CAMKMT: variants seen among roughly 807,000 people sequenced by gnomAD.
The protein encoded by CAMKMT is calmodulin-lysine N-methyltransferase, also known as CaM KMT.
CAMKMT carries 53 observed loss-of-function variants against 48.0 expected under a neutral mutation model. The observed-to-expected ratio is 1.10, with a 90% CI of 0.89 to 1.39. The LOEUF is 1.39. CAMKMT is among the 40% of genes most tolerant of loss of function. CAMKMT has a pLI of 0.00. For synonymous variants in CAMKMT, 165 were observed against 152.3 expected (o/e 1.08, Z -0.61); for missense variants, 428 against 402.7 (o/e 1.06, Z -0.54).
At chr2:44,512,458 C>G (rs1443944849) in intron 3 of CAMKMT, among the ~76,000 whole-genome samples, 2 of 152,198 alleles carry the variant, frequency 1.3e-5, no homozygotes, top group Non-Finnish European at 2.9e-5. Flanking sequence ...ACACATGGCA[C>G]AAAATTGTAC....
intron 3 of CAMKMT, among the ~76,000 whole-genome samples, chr2:44,435,029 G>C (rs900438191): frequency 6.6e-6 from 1 of 152,034 alleles, no homozygotes; most frequent in African/African-American, 2.4e-5. Flanking sequence ...GCATCGTTAG[G>C]TTCTTTTGAA....
At chr2:44,665,024 T>C (rs1185966738) in intron 3 of CAMKMT, among the ~76,000 whole-genome samples, 1 of 152,128 alleles carries the variant, frequency 6.6e-6, no homozygotes, top group African/African-American at 2.4e-5. Flanking sequence ...GACTTAAACA[T>C]TGTCAATTTT....
In CAMKMT at chr2:44,666,978, A is replaced by G. The variant is rs146436486; in HGVS notation, c.377-37305A>G. On this transcript the variant is annotated intron_variant, in intron 3 of 10. Transcript: ENST00000378494. Reference sequence around the variant, plus strand: ...ATTTGCCTACCCCCAAACCTTCTGCACTTATAAACCTTAAATCTTTGTACA... The same window carrying G: ...ATTTGCCTACCCCCAAACCTTCTGCGCTTATAAACCTTAAATCTTTGTACA... Among the ~76,000 whole-genome samples the G allele has an allele frequency of 4.6e-5, 7 of 152,320 alleles. No homozygotes were observed. The East Asian group carries it at 1.4e-3, about 29-fold the overall frequency.
intron 3 of CAMKMT, among the ~76,000 whole-genome samples, chr2:44,542,196 C>G (rs1667150810): frequency 6.6e-6 from 1 of 151,940 alleles, no homozygotes; most frequent in Non-Finnish European, 1.5e-5. Flanking sequence ...TAAGTCTTCC[C>G]CTGTGAACAT....
At chr2:44,459,192 T>C (rs147084570) in intron 3 of CAMKMT, among the ~76,000 whole-genome samples, 4 of 152,308 alleles carry the variant, frequency 2.6e-5, no homozygotes, top group African/African-American at 9.6e-5. Context: ...GAACATAGTT[T>C]TGAAGACCAG....
chr2:44,462,483 C>G (rs1217864205), intron 3 of CAMKMT, among the ~76,000 whole-genome samples: 1 of 151,872 alleles, frequency 6.6e-6, no homozygotes, highest in African/African-American at 2.4e-5. Context: ...ATGACCTACT[C>G]TGTTGTTTGG....
At position 44,518,790 on chromosome 2, in the gene CAMKMT, T is replaced by C. The variant is rs142238333; in HGVS notation, c.376+128485T>C. On this transcript the variant is annotated intron_variant, in intron 3 of 10. Coordinates refer to ENST00000378494, the MANE Select transcript of CAMKMT (RefSeq NM_024766.5). ...GCTTAGCTAGGTAGACGTACCCAGATGAAATCAAGTGAGTGCATATTCATG... is the reference window on the plus strand; with the variant it reads ...GCTTAGCTAGGTAGACGTACCCAGACGAAATCAAGTGAGTGCATATTCATG... Among the ~76,000 whole-genome samples, 164 of 152,304 alleles carry C rather than the reference T, an allele frequency of 1.1e-3. 1 individual carries two copies. The highest frequency in any genetic ancestry group is 3.8e-3 in the African/African-American group (157 of 41,570).
chr2:44,676,077 A>G (rs1029821002), intron 3 of CAMKMT, among the ~76,000 whole-genome samples: 3 of 152,144 alleles, frequency 2.0e-5, no homozygotes, highest in African/African-American at 7.2e-5. Context: ...CCCAACTTTC[A>G]ATCATCCGCA....
intron 3 of CAMKMT, among the ~76,000 whole-genome samples, chr2:44,515,650 G>A (rs377487975): frequency 2.6e-5 from 4 of 152,152 alleles, no homozygotes; most frequent in African/African-American, 9.7e-5. Flanking sequence ...TTGGGAAGAA[G>A]GATTATCATT....
intron 3 of CAMKMT, among the ~76,000 whole-genome samples, chr2:44,697,849 G>A (rs1006311397): frequency 1.3e-5 from 2 of 151,988 alleles, no homozygotes; most frequent in Non-Finnish European, 2.9e-5. Context: ...AAATCAAGAA[G>A]CAACAATACA....
At chr2:44,384,002 T>C (rs1439235125) in intron 2 of CAMKMT, among the ~76,000 whole-genome samples, 2 of 152,204 alleles carry the variant, frequency 1.3e-5, no homozygotes, top group Non-Finnish European at 2.9e-5. Flanking sequence ...GTAGTGGGAT[T>C]GCTGGACCAA....
At chr2:44,457,542 G>A (rs1474855002) in intron 3 of CAMKMT, among the ~76,000 whole-genome samples, 3 of 151,762 alleles carry the variant, frequency 2.0e-5, no homozygotes, top group Non-Finnish European at 4.4e-5. Context: ...GGGACTACAG[G>A]TGCGTGTCAC....
intron 3 of CAMKMT, among the ~76,000 whole-genome samples, chr2:44,655,056 T>G (rs2104055390): frequency 6.6e-6 from 1 of 152,302 alleles, no homozygotes; most frequent in Non-Finnish European, 1.5e-5. Flanking sequence ...AGTGATATTC[T>G]TAGAATGCAT....
intron 3 of CAMKMT, among the ~76,000 whole-genome samples, chr2:44,427,912 A>C (rs1215860348): frequency 6.6e-6 from 1 of 152,162 alleles, no homozygotes; most frequent in African/African-American, 2.4e-5. Flanking sequence ...CCTTGTGGGA[A>C]AGGGAGCATA....
At chr2:44,511,528 A>G (rs1280410914) in intron 3 of CAMKMT, among the ~76,000 whole-genome samples, 1 of 152,070 alleles carries the variant, frequency 6.6e-6, no homozygotes, top group African/African-American at 2.4e-5. Context: ...ACCTCAGGCA[A>G]TCCGCCTGCC....
intron 7 of CAMKMT, among the ~76,000 whole-genome samples, chr2:44,729,357 A>G (rs1208823071): frequency 6.6e-6 from 1 of 152,218 alleles, no homozygotes; most frequent in African/African-American, 2.4e-5. Flanking sequence ...CAAGGACAGA[A>G]TCTTAGAAAA....
At chr2:44,590,334 T>A (rs1670182447) in intron 3 of CAMKMT, among the ~76,000 whole-genome samples, 1 of 152,208 alleles carries the variant, frequency 6.6e-6, no homozygotes. Flanking sequence ...AAAGAATTGG[T>A]GTTATTTCTC....
intron 1 of CAMKMT, among the ~76,000 whole-genome samples, chr2:44,366,164 T>A (rs79929768): frequency 6.6e-6 from 1 of 152,236 alleles, no homozygotes; most frequent in Non-Finnish European, 1.5e-5. Context: ...ATGTTATTAG[T>A]TTTGTAATAT....
At chr2:44,539,019 C>G (rs1045909477) in intron 3 of CAMKMT, among the ~76,000 whole-genome samples, 1 of 149,206 alleles carries the variant, frequency 6.7e-6, no homozygotes, top group Non-Finnish European at 1.5e-5. Context: ...TATAATACTT[C>G]TCGGCTAGGC....
Sources: allele counts gnomAD v4.1 joint callset (sites outside exome capture counted in the v4.1 genomes callset), GRCh38; gene constraint gnomAD v4.1.1; transcripts MANE v1.5; gene names NCBI Gene and HGNC (gene_info 2026-07-23, HGNC 2026-07-21).